The following LAMA2 variants were observed in gnomAD, a reference collection of about 807,000 sequenced individuals.
LAMA2 encodes the protein laminin subunit alpha-2.
Under a neutral mutation model 364.8 loss-of-function variants are expected in LAMA2, and 269 were observed. The observed-to-expected ratio is 0.74, with a 90% CI of 0.67 to 0.82. The LOEUF is 0.82. Among genes scored for constraint, LAMA2 ranks in the 40% least tolerant of loss-of-function variants. LAMA2 has a pLI of 0.00. For missense variants in LAMA2, 3,807 were observed against 3,873.2 expected (o/e 0.98, Z 0.45); for synonymous variants, 1,379 against 1,370.6 (o/e 1.01, Z -0.14).
At chr6:128,907,440 G>C (rs1397977016) in intron 1 of LAMA2, among the ~76,000 whole-genome samples, 1 of 152,098 alleles carries the variant, frequency 6.6e-6, no homozygotes, top group Non-Finnish European at 1.5e-5. Context: ...CTGTTTGTCT[G>C]TTGTTGGTGT....
At chr6:129,171,494 A>G (rs535783846) in intron 9 of LAMA2, among the ~76,000 whole-genome samples, 1 of 152,232 alleles carries the variant, frequency 6.6e-6, no homozygotes, top group African/African-American at 2.4e-5. Flanking sequence ...AGAATGTTGA[A>G]TATTGGCCCC....
At chr6:129,103,634 C>T (rs151337858) in intron 4 of LAMA2, among the ~76,000 whole-genome samples, 1 of 152,142 alleles carries the variant, frequency 6.6e-6, no homozygotes, top group Non-Finnish European at 1.5e-5. Context: ...TTTGGGTTTG[C>T]CTGATGTTTT....
chr6:129,324,762 A>T (rs1379280095), intron 28 of LAMA2, among the ~76,000 whole-genome samples: 2 of 152,226 alleles, frequency 1.3e-5, no homozygotes, highest in Admixed American at 6.5e-5. Flanking sequence ...ACATATTTAA[A>T]CATAGCAAAG....
chr6:129,242,392 G>A (rs375303610), intron 12 of LAMA2, among the ~76,000 whole-genome samples: 1 of 151,992 alleles, frequency 6.6e-6, no homozygotes, highest in African/African-American at 2.4e-5. Flanking sequence ...TTTGACAATA[G>A]CAAGCCTGTT....
chr6:129,418,321 A>T (rs534115249), intron 40 of LAMA2, among the ~76,000 whole-genome samples: 1 of 151,866 alleles, frequency 6.6e-6, no homozygotes, highest in Admixed American at 6.6e-5. Context: ...ACTATTTTAT[A>T]CTCAATATTC....
intron 1 of LAMA2, among the ~76,000 whole-genome samples, chr6:128,892,433 T>A (rs1776510899): frequency 6.6e-6 from 1 of 152,062 alleles, no homozygotes; most frequent in African/African-American, 2.4e-5. Flanking sequence ...GGAATCTCAT[T>A]GTTGAATATG....
intron 1 of LAMA2, among the ~76,000 whole-genome samples, chr6:129,010,179 C>T (rs1356678593): frequency 6.6e-6 from 1 of 152,150 alleles, no homozygotes; most frequent in Non-Finnish European, 1.5e-5. Flanking sequence ...TTAATTCTAC[C>T]TGGTGAACCA....
At chr6:129,246,328 AGAAC>A (rs1255006129) in intron 12 of LAMA2, among the ~76,000 whole-genome samples, 1 of 152,240 alleles carries the variant, frequency 6.6e-6, no homozygotes, top group Non-Finnish European at 1.5e-5. Context: ...CAAAATGTTG[AGAAC>A]ATTCTTAAGT....
At chr6:129,035,750 T>C (rs1005669444) in intron 1 of LAMA2, among the ~76,000 whole-genome samples, 1 of 152,098 alleles carries the variant, frequency 6.6e-6, no homozygotes, top group African/African-American at 2.4e-5. Context: ...CCTTTCCCCA[T>C]TGCTTATTTT....
At chr6:129,476,866 A>T (rs747101726) in intron 53 of LAMA2, among the ~76,000 whole-genome samples, 4 of 152,212 alleles carry the variant, frequency 2.6e-5, no homozygotes, top group Non-Finnish European at 4.4e-5. Flanking sequence ...ATGAAAATAA[A>T]GAAGTTCCAG....
chr6:129,222,874 G>A (rs899477640), intron 12 of LAMA2, among the ~76,000 whole-genome samples: 1 of 152,054 alleles, frequency 6.6e-6, no homozygotes, highest in African/African-American at 2.4e-5. Flanking sequence ...GGGATGACTG[G>A]GTCAAATGGT....
At chr6:129,485,236 G>C in intron 55 of LAMA2, among the ~76,000 whole-genome samples, 1 of 151,964 alleles carries the variant, frequency 6.6e-6, no homozygotes, top group Non-Finnish European at 1.5e-5. Flanking sequence ...CTACCTACTG[G>C]CTCCAAATTT....
chr6:129,355,537 T>C (rs1777102928), intron 32 of LAMA2, among the ~76,000 whole-genome samples: 1 of 152,162 alleles, frequency 6.6e-6, no homozygotes, highest in South Asian at 2.1e-4. Flanking sequence ...TGGATTCACC[T>C]GGGGTGTTTG....
At chr6:129,026,930 T>G (rs974422498) in intron 1 of LAMA2, among the ~76,000 whole-genome samples, 29 of 152,262 alleles carry the variant, frequency 1.9e-4, no homozygotes, top group African/African-American at 6.7e-4. Flanking sequence ...TGCTCAGACC[T>G]TTATTTCTCT....
chr6:129,486,785 G>A (rs958240222), intron 56 of LAMA2, among the ~76,000 whole-genome samples, 163 bp downstream of exon 56: 84 of 152,044 alleles, frequency 5.5e-4, no homozygotes, highest in African/African-American at 1.9e-3. Context: ...TTCATACTTC[G>A]GGAACCTCAT....
intron 1 of LAMA2, among the ~76,000 whole-genome samples, chr6:129,041,077 A>G (rs963066021): frequency 2.0e-5 from 3 of 152,184 alleles, no homozygotes; most frequent in African/African-American, 7.2e-5. Flanking sequence ...AATTCTGGGT[A>G]TATGTTTCTT....
intron 1 of LAMA2, among the ~76,000 whole-genome samples, chr6:128,923,853 TATG>T (rs1778911952): frequency 6.6e-6 from 1 of 152,152 alleles, no homozygotes; most frequent in Admixed American, 6.5e-5. Flanking sequence ...GTCCTCCGCT[TATG>T]ATGTTTCCAA....
At chr6:129,428,567 G>A (rs1243405674) in intron 41 of LAMA2, among the ~76,000 whole-genome samples, 7 of 152,114 alleles carry the variant, frequency 4.6e-5, no homozygotes, top group Non-Finnish European at 7.4e-5. Context: ...TGATTGTCCT[G>A]CCTCATATCT....
At chr6:128,974,104 C>G (rs1347121771) in intron 1 of LAMA2, among the ~76,000 whole-genome samples, 1 of 152,174 alleles carries the variant, frequency 6.6e-6, no homozygotes, top group Admixed American at 6.5e-5. Context: ...TGGTCAGACA[C>G]CAGCATGCTG....
Sources: gnomAD v4.1 joint callset for allele counts (sites outside exome capture counted in the v4.1 genomes callset) on GRCh38, gnomAD v4.1.1 for gene constraint, MANE v1.5 for transcripts, NCBI Gene and HGNC (gene_info 2026-07-23, HGNC 2026-07-21) for gene names.